LRRC8C: variants seen among roughly 807,000 people sequenced by gnomAD.
The protein encoded by LRRC8C is leucine rich repeat containing 8 VRAC subunit C.
A neutral mutation model predicts 55.3 loss-of-function variants in LRRC8C; 20 were observed. The observed-to-expected ratio is 0.36, with a 90% CI of 0.25 to 0.53. The LOEUF is 0.53. Among genes scored for constraint, LRRC8C ranks in the 20% least tolerant of loss-of-function variants. The probability of loss-of-function intolerance (pLI) is 0.92; values close to 1 mark genes in which losing one functional copy is unlikely to be tolerated. For missense variants in LRRC8C, 659 were observed against 951.4 expected (o/e 0.69, Z 4.04); for synonymous variants, 376 against 360.7 (o/e 1.04, Z -0.48).
chr1:89,671,555 C>T (rs956621331), intron 1 of LRRC8C, among the ~76,000 whole-genome samples: 2 of 152,136 alleles, frequency 1.3e-5, no homozygotes, highest in Non-Finnish European at 2.9e-5. Context: ...TGTGTTCAGT[C>T]TCAGGAGATT....
upstream of LRRC8C, chr1:89,633,102 G>A (rs1656161183): frequency 6.6e-6 from 1 of 152,038 alleles, no homozygotes; most frequent in Admixed American, 6.6e-5. Context: ...AGGGGAGGAG[G>A]GCTTGCGGGG....
At chr1:89,678,854 G>GT (rs1378198947) in intron 1 of LRRC8C, among the ~76,000 whole-genome samples, 3 of 152,200 alleles carry the variant, frequency 2.0e-5, no homozygotes, top group Non-Finnish European at 4.4e-5. Context: ...TAGGAAAGCT[G>GT]TAAGTGGAGA....
In LRRC8C at chr1:89,714,969, T is replaced by C. The variant is rs1658773752; in HGVS notation, c.2399T>C (p.Met800Thr). ...CTGCCTTCTGACGTCCGGGAGCAAA[T>C]GAAAACAGAATAACTTATTTTTCGT... ...ETLPSDVREQ[M>T]KTE The change falls in exon 3 of 3, where the codon ATG becomes ACG. Residue 800 changes from methionine (M) to threonine (T), a missense_variant. Met to Thr is a moderately conservative substitution (Grantham distance 81). Around this residue, in one of 5 missense-constraint regions of LRRC8C, gnomAD observed 344 missense variants for 464.6 expected, o/e 0.74. Transcript: ENST00000370454. This position sits in a 1 kb window ranked among gnomAD's most constrained non-coding sequence, Gnocchi z 4.6. The C allele has an allele frequency of 6.3e-7, 1 of 1,581,060 alleles. No homozygotes were observed. Among genetic ancestry groups the C allele is most frequent in the Non-Finnish European group, 8.6e-7 (1 of 1,166,844 alleles).
rs1658814068 is a variant in LRRC8C, at chr1:89,716,209, G to T, written c.*1227G>T. ...AGAGATGATTTAAAGTATATGGGAG[G>T]ATGTGCATAGGTTATATGCAATTTC... On this transcript the variant is annotated 3_prime_UTR_variant, in exon 3 of 3. Coordinates refer to ENST00000370454, the MANE Select transcript of LRRC8C (RefSeq NM_032270.5). 1 of 152,162 alleles carries T rather than the reference G, an allele frequency of 6.6e-6. No individual in the cohort carries two copies. Among genetic ancestry groups the T allele is most frequent in the South Asian group, 2.1e-4 (1 of 4,826 alleles). 9.4% of individuals were successfully genotyped at this position (152,162 alleles called of 1,614,324 possible).
intron 2 of LRRC8C, among the ~76,000 whole-genome samples, chr1:89,692,437 T>C (rs190112427): frequency 7.2e-5 from 11 of 152,326 alleles, no homozygotes; most frequent in Admixed American, 7.2e-4. Context: ...CCTAAAAGAT[T>C]GTATTCATAT....
intron 1 of LRRC8C, among the ~76,000 whole-genome samples, chr1:89,655,991 C>T (rs539664283): frequency 5.3e-5 from 8 of 152,248 alleles, no homozygotes; most frequent in East Asian, 1.9e-4. Context: ...TTTATTATTA[C>T]GTAAAAAGGA....
upstream of LRRC8C, chr1:89,631,935 G>A (rs931612007): frequency 2.6e-5 from 4 of 152,232 alleles, no homozygotes; most frequent in African/African-American, 7.2e-5. Flanking sequence ...GGTAAAAGGA[G>A]GCGACTGTTT....
intron 1 of LRRC8C, chr1:89,668,045 T>C (rs1015118650): frequency 1.3e-5 from 2 of 152,572 alleles, no homozygotes; most frequent in African/African-American, 2.4e-5. Context: ...AAATGATAAA[T>C]GTCATGGGGT....
intron 2 of LRRC8C, among the ~76,000 whole-genome samples, chr1:89,703,832 T>A (rs1055719544): frequency 3.3e-5 from 5 of 151,744 alleles, no homozygotes; most frequent in Non-Finnish European, 5.9e-5. Context: ...TAAATGAAAA[T>A]GAAAAATCTA....
chr1:89,687,516 G>A (rs1201583592), intron 2 of LRRC8C, among the ~76,000 whole-genome samples: 1 of 152,172 alleles, frequency 6.6e-6, no homozygotes, highest in East Asian at 1.9e-4. Flanking sequence ...GCTTGCAAAT[G>A]GACTCATCCA....
intron 1 of LRRC8C, among the ~76,000 whole-genome samples, chr1:89,651,508 C>G (rs1656778540): frequency 7.5e-6 from 1 of 132,898 alleles, no homozygotes; most frequent in Admixed American, 8.8e-5. Flanking sequence ...GTGGAGCTTA[C>G]AGTGAGCTGA....
At chr1:89,660,006 C>T (rs1384478065) in intron 1 of LRRC8C, among the ~76,000 whole-genome samples, 5 of 152,080 alleles carry the variant, frequency 3.3e-5, no homozygotes, top group Non-Finnish European at 5.9e-5. Context: ...TACTCAGCCA[C>T]GGGCTTCCAA....
chr1:89,628,800 T>G (rs990040), upstream of LRRC8C, among the ~76,000 whole-genome samples: 1 of 151,986 alleles, frequency 6.6e-6, no homozygotes, highest in Non-Finnish European at 1.5e-5. Context: ...GGGAGAAGAT[T>G]AGAGTAAAAT....
At chr1:89,708,926 T>A (rs1658564618) in intron 2 of LRRC8C, among the ~76,000 whole-genome samples, 1 of 152,354 alleles carries the variant, frequency 6.6e-6, no homozygotes, top group Middle Eastern at 3.4e-3. Flanking sequence ...GATGCTACTG[T>A]TCTTAGTAAC....
chr1:89,631,945 T>C (rs1656118717), upstream of LRRC8C: 1 of 152,234 alleles, frequency 6.6e-6, no homozygotes, highest in African/African-American at 2.4e-5. Flanking sequence ...GGCGACTGTT[T>C]TCTGAAGGCT....
chr1:89,662,263 T>C (rs1657141479), intron 1 of LRRC8C, among the ~76,000 whole-genome samples: 3 of 152,174 alleles, frequency 2.0e-5, no homozygotes. Context: ...AGGCCACAGA[T>C]TGGACAAGCT....
chr1:89,638,580 C>A (rs1461173272), intron 1 of LRRC8C, among the ~76,000 whole-genome samples: 1 of 151,926 alleles, frequency 6.6e-6, no homozygotes, highest in Non-Finnish European at 1.5e-5. Context: ...GTCAACATAT[C>A]TATAAATTTT....
At chr1:89,664,524 A>G (rs1657204890) in intron 1 of LRRC8C, among the ~76,000 whole-genome samples, 1 of 152,186 alleles carries the variant, frequency 6.6e-6, no homozygotes, top group Admixed American at 6.5e-5. Flanking sequence ...TACCAGTACC[A>G]TGCTGTTTTG....
chr1:89,650,318 C>G (rs1369353394), intron 1 of LRRC8C, among the ~76,000 whole-genome samples: 1 of 152,048 alleles, frequency 6.6e-6, no homozygotes, highest in Non-Finnish European at 1.5e-5. Context: ...AGCAGGATGG[C>G]AAAACTGGTG....
Sources: gnomAD v4.1 joint callset for allele counts (sites outside exome capture counted in the v4.1 genomes callset) on GRCh38, gnomAD v4.1.1 for gene constraint, gnomAD v4.1.1 regional missense constraint, Gnocchi (gnomAD v3.1) non-coding constraint, MANE v1.5 for transcripts, NCBI Gene and HGNC (gene_info 2026-07-23, HGNC 2026-07-21) for gene names.